The following RGS5 variants were observed in gnomAD, a reference collection of about 807,000 sequenced individuals.
RGS5 encodes regulator of G protein signaling 5, also known as regulator of G-protein signalling 5.
In RGS5, 20 loss-of-function variants were observed where a neutral mutation model predicts 18.9. The ratio of observed to expected loss-of-function variants is 1.06; its 90% CI spans 0.74 to 1.54. The LOEUF (loss-of-function observed/expected upper bound fraction) is 1.54, where lower values mean the gene tolerates loss of function less well. Ranked by LOEUF, RGS5 falls within the 40% of genes most tolerant of loss-of-function variation. The pLI is 0.00. For synonymous variants in RGS5, 57 were observed against 76.2 expected (o/e 0.75, Z 1.31); for missense variants, 201 against 211.8 (o/e 0.95, Z 0.32).
At chr1:163,194,338 TG>T (rs992933121) in intron 1 of RGS5, among the ~76,000 whole-genome samples, 2 of 152,208 alleles carry the variant, frequency 1.3e-5, no homozygotes, top group Non-Finnish European at 2.9e-5. Context: ...TTCAGGAGTT[TG>T]TTTCCCAGGC....
chr1:163,202,205 C>T (rs115576366), intron 1 of RGS5, among the ~76,000 whole-genome samples: 60 of 152,272 alleles, frequency 3.9e-4, no homozygotes, highest in Non-Finnish European at 7.8e-4. Flanking sequence ...TTTCCTCTTC[C>T]TCACTGCAAA....
chr1:163,159,891 A>G (rs1419193676), intron 3 of RGS5, among the ~76,000 whole-genome samples: 1 of 152,118 alleles, frequency 6.6e-6, no homozygotes, highest in East Asian at 1.9e-4. Context: ...ACATACATAC[A>G]TGTGTATACA....
At chr1:163,187,898 C>A (rs1328676083) in intron 1 of RGS5, among the ~76,000 whole-genome samples, 1 of 152,042 alleles carries the variant, frequency 6.6e-6, no homozygotes, top group African/African-American at 2.4e-5. Context: ...GGGGAGTGGT[C>A]TTGTGGGACT....
intron 2 of RGS5, among the ~76,000 whole-genome samples, chr1:163,284,878 C>T (rs1250979190): frequency 6.6e-6 from 1 of 151,234 alleles, no homozygotes; most frequent in African/African-American, 2.4e-5. Context: ...ATGTATTAGT[C>T]CGTTTTTATG....
At chr1:163,194,911 C>T (rs752554005) in intron 1 of RGS5, among the ~76,000 whole-genome samples, 33 of 151,980 alleles carry the variant, frequency 2.2e-4, no homozygotes, top group South Asian at 1.5e-3. Flanking sequence ...AAGAAATATA[C>T]GTTGATAATT....
At chr1:163,276,869 C>G (rs1358840574) in intron 2 of RGS5, among the ~76,000 whole-genome samples, 2 of 152,192 alleles carry the variant, frequency 1.3e-5, no homozygotes, top group Admixed American at 6.5e-5. Context: ...TGAACCTACC[C>G]CTCCTCTCGG....
At chr1:163,225,984 A>G (rs1647322491) in intron 2 of RGS5, among the ~76,000 whole-genome samples, 1 of 151,732 alleles carries the variant, frequency 6.6e-6, no homozygotes, top group Non-Finnish European at 1.5e-5. Flanking sequence ...GCAATGGCGC[A>G]ATCTCGGCTC....
rs1472510522 is a variant in RGS5, at chr1:163,188,989, TAAGGTCTGTCATCCC to T, written c.44+13788_44+13802del. ...AAAAAAAAAAGCTACTGTAAGGTTG[TAAGGTCTGTCATCCC>T]AAGAAATGAACTCTTCCTTTCCCCA... is the stretch of plus-strand genomic sequence containing the variant. On this transcript the variant is annotated intron_variant, in intron 1 of 4. Transcript: ENST00000313961. 2.0e-5 allele frequency among the ~76,000 whole-genome samples: 3 copies of T among 146,700 alleles called. No individual in the cohort carries two copies. In the East Asian group the frequency reaches 6.1e-4, roughly 30 times the overall value.
At chr1:163,176,482 G>A (rs1432685518) in intron 1 of RGS5, among the ~76,000 whole-genome samples, 2 of 152,112 alleles carry the variant, frequency 1.3e-5, no homozygotes, top group Non-Finnish European at 2.9e-5. Flanking sequence ...TTAGCCATGA[G>A]TGGTGGTGCA....
chr1:163,161,647 T>C (rs1260459515), intron 3 of RGS5: 3 of 331,566 alleles, frequency 9.0e-6, no homozygotes, highest in East Asian at 1.2e-4. Context: ...TTCTGGCTCA[T>C]GCAAGTAAGC....
chr1:163,295,887 C>G (rs76062220), intron 2 of RGS5, among the ~76,000 whole-genome samples: 4 of 152,212 alleles, frequency 2.6e-5, no homozygotes, highest in African/African-American at 9.6e-5. Context: ...ATACTGACTG[C>G]CTGTTATTAT....
intron 4 of RGS5, among the ~76,000 whole-genome samples, chr1:163,147,918 C>CTTTTTTT (rs534448527): frequency 5.5e-4 from 43 of 78,090 alleles, no homozygotes; most frequent in Non-Finnish European, 6.2e-4. Flanking sequence ...TTTTCTTTTT[C>CTTTTTTT]TTTTTTTTTT....
chr1:163,245,362 C>T lies in RGS5; in HGVS notation c.-281+60871G>A, dbSNP rs191340927. ...GCCCAGAATTATCTTTTCCCCATGA[C>T]AACTTGTTGAAAACATTTTCTTTTG... On this transcript the variant is annotated intron_variant, in intron 2 of 5. Coordinates refer to the RGS5 transcript ENST00000618415. Among the ~76,000 whole-genome samples the T allele has an allele frequency of 4.1e-4, 62 of 152,314 alleles. No individual in the cohort carries two copies. The South Asian group carries it at 4.1e-3, about 10-fold the overall frequency.
rs545339453 is a variant in RGS5 at position 163,288,013 on chromosome 1, G to A, written c.-281+18220C>T. On this transcript the variant is annotated intron_variant, in intron 2 of 5. Coordinates refer to the RGS5 transcript ENST00000618415. ...GATTTTTAATATTTCTAATAATCTCGATAGTTGAGCATATTGTAAAACATA... is the reference window on the plus strand; with the variant it reads ...GATTTTTAATATTTCTAATAATCTCAATAGTTGAGCATATTGTAAAACATA... Among the ~76,000 whole-genome samples the A allele has an allele frequency of 5.4e-4, 82 of 152,196 alleles. No individual in the cohort carries two copies. In the South Asian group the frequency reaches 7.9e-3, roughly 15 times the overall value.
chr1:163,166,479 GAA>G (rs893588240), intron 2 of RGS5, among the ~76,000 whole-genome samples: 4 of 152,178 alleles, frequency 2.6e-5, no homozygotes, highest in African/African-American at 9.6e-5. Flanking sequence ...TAAAGTGAGA[GAA>G]GAGAGAGAGA....
chr1:163,239,599 T>C (rs79485255), intron 2 of RGS5, among the ~76,000 whole-genome samples: 10,010 of 151,752 alleles, frequency 0.066, 366 homozygotes, highest in Middle Eastern at 0.13. Flanking sequence ...ATAAGGCTAG[T>C]TTTTTCTTCT....
chr1:163,278,863 C>T (rs1648924690), intron 2 of RGS5, among the ~76,000 whole-genome samples: 1 of 152,010 alleles, frequency 6.6e-6, no homozygotes, highest in Non-Finnish European at 1.5e-5. Flanking sequence ...AAAAACATGT[C>T]ATGCAAATGG....
intron 1 of RGS5, among the ~76,000 whole-genome samples, chr1:163,313,000 C>T (rs554977694): frequency 6.6e-6 from 1 of 152,260 alleles, no homozygotes; most frequent in South Asian, 2.1e-4. Flanking sequence ...TACCATTCTA[C>T]TTTCTGTCTT....
At chr1:163,301,249 T>A (rs1408011803) in intron 2 of RGS5, among the ~76,000 whole-genome samples, 6 of 152,200 alleles carry the variant, frequency 3.9e-5, no homozygotes, top group Non-Finnish European at 2.9e-5. Flanking sequence ...TTGTGGCCTA[T>A]TTTAATGGAC....
Sources: gnomAD v4.1 joint callset for allele counts (sites outside exome capture counted in the v4.1 genomes callset) on GRCh38, gnomAD v4.1.1 for gene constraint, MANE v1.5 for transcripts, NCBI Gene and HGNC (gene_info 2026-07-23, HGNC 2026-07-21) for gene names.